Variants in DTNA observed in about 807,000 individuals in gnomAD.
The protein encoded by DTNA is dystrophin-related protein 3.
DTNA carries 43 observed loss-of-function variants against 100.7 expected under a neutral mutation model. That is an observed-to-expected ratio of 0.43 (90% CI 0.33 to 0.55). DTNA has a LOEUF of 0.55. Ranked by LOEUF, DTNA falls within the 20% of genes least tolerant of loss-of-function variation. The pLI is 0.04. For missense variants in DTNA, 798 were observed against 953.9 expected (o/e 0.84, Z 2.15); for synonymous variants, 349 against 347.9 (o/e 1.00, Z -0.04).
At chr18:34,712,859 TTTTAACATGTTA>T (rs2083182045) in intron 1 of DTNA, among the ~76,000 whole-genome samples, 1 of 152,122 alleles carries the variant, frequency 6.6e-6, no homozygotes, top group African/African-American at 2.4e-5. Flanking sequence ...TTTAACAGTT[TTTTAACATGTTA>T]AAAAACAACC....
intron 1 of DTNA, among the ~76,000 whole-genome samples, chr18:34,515,597 C>T (rs1568570592): frequency 6.6e-6 from 1 of 152,066 alleles, no homozygotes; most frequent in Non-Finnish European, 1.5e-5. Context: ...CTGTTGTTCT[C>T]TACTACTTGT....
chr18:34,515,063 C>A (rs1341279831), intron 1 of DTNA, among the ~76,000 whole-genome samples: 1 of 151,938 alleles, frequency 6.6e-6, no homozygotes, highest in Non-Finnish European at 1.5e-5. Flanking sequence ...AGGGTAGACT[C>A]CCCTTGCTTG....
Position 34,875,348 on chromosome 18 carries a change from A to G in DTNA, c.1853A>G (p.Gln618Arg), listed in dbSNP as rs2096804507. The change falls in exon 18 of 23, where the codon CAG becomes CGG. Residue 618 changes from glutamine (Q) to arginine (R), a missense_variant. Gln to Arg is a conservative substitution (Grantham distance 43, BLOSUM62 1). Transcript: ENST00000444659. Reference protein sequence around the residue: ...SACSTPTHTPQDSLTGVGGDV... With the variant: ...SACSTPTHTPRDSLTGVGGDV... ...TGCTCCACCCCGACGCACACGCCGC[A>G]GGACTCCCTCACAGGAGTAGGGGGA... The G allele has an allele frequency of 3.7e-6, 6 of 1,614,230 alleles. No individual in the cohort carries two copies. Among genetic ancestry groups the G allele is most frequent in the Non-Finnish European group, 4.2e-6 (5 of 1,180,044 alleles).
intron 11 of DTNA, 67 bp from the exon 12 acceptor site, chr18:34,838,027 C>A: frequency 7.0e-7 from 1 of 1,421,142 alleles, no homozygotes; most frequent in Non-Finnish European, 9.9e-7. Flanking sequence ...GTGTCTGTTG[C>A]CAGTTTCTAT....
rs763416097 is a variant in DTNA at position 34,766,057 on chromosome 18, G to A, written c.148+16G>A. ...AAATGCAATTGTAAGTATGCCAGTT[G>A]TTTGGACTAATTACCATCATGAATC... On this transcript the variant is annotated intron_variant, in intron 3 of 22. Transcript: ENST00000444659. 49 of 1,612,534 alleles carry A rather than the reference G, an allele frequency of 3.0e-5. No homozygotes were observed. Among genetic ancestry groups the A allele is most frequent in the Non-Finnish European group, 8.5e-7 (1 of 1,178,924 alleles).
At chr18:34,826,116 G>A (rs2149520459) in intron 9 of DTNA, among the ~76,000 whole-genome samples, 1 of 152,282 alleles carries the variant, frequency 6.6e-6, no homozygotes, top group South Asian at 2.1e-4. Context: ...GAGTAGATAA[G>A]TAGCTGTTGT....
At chr18:34,493,850 G>T (rs976326800) in intron 1 of DTNA, 11 of 148,214 alleles carry the variant, frequency 7.4e-5, no homozygotes. Context: ...CCACTCACGG[G>T]GTTCCCACCT....
At chr18:34,694,129 GA>G (rs148951850) in intron 1 of DTNA, among the ~76,000 whole-genome samples, 9,248 of 150,398 alleles carry the variant, frequency 0.061, 913 homozygotes, top group African/African-American at 0.21. Context: ...CAGTATTTTA[GA>G]AAAAAAAATG....
chr18:34,791,192 A>G (rs2094724166), intron 3 of DTNA, among the ~76,000 whole-genome samples: 1 of 152,216 alleles, frequency 6.6e-6, no homozygotes, highest in Non-Finnish European at 1.5e-5. Context: ...TGGCTCGTCA[A>G]GAGAAATTTA....
At chr18:34,730,027 G>A (rs1057392925) in intron 1 of DTNA, among the ~76,000 whole-genome samples, 2 of 151,990 alleles carry the variant, frequency 1.3e-5, no homozygotes, top group African/African-American at 4.8e-5. Context: ...CAGTTCCAAG[G>A]AATAATTCCA....
At chr18:34,559,064 A>G (rs532551343) in intron 1 of DTNA, among the ~76,000 whole-genome samples, 3 of 152,338 alleles carry the variant, frequency 2.0e-5, no homozygotes, top group Non-Finnish European at 4.4e-5. Flanking sequence ...GGTGAGATTT[A>G]ACTCAAAACA....
chr18:34,835,113 T>A (rs1202038352), intron 11 of DTNA, among the ~76,000 whole-genome samples: 3 of 152,172 alleles, frequency 2.0e-5, no homozygotes, highest in African/African-American at 7.2e-5. Flanking sequence ...CCTCTGTACA[T>A]AGTCATATTT....
chr18:34,621,927 G>T (rs1396193516), intron 1 of DTNA, among the ~76,000 whole-genome samples: 2 of 152,000 alleles, frequency 1.3e-5, no homozygotes, highest in East Asian at 3.9e-4. Flanking sequence ...CATAGTATAC[G>T]ATTTATATTT....
chr18:34,756,100 G>A (rs2092750182), intron 2 of DTNA, 57 bp downstream of exon 2: 5 of 1,530,020 alleles, frequency 3.3e-6, no homozygotes, highest in African/African-American at 1.4e-5. Flanking sequence ...CTCATGGAAA[G>A]GCTAGAAATA....
At chr18:34,687,069 T>C (rs2079006966) in intron 1 of DTNA, among the ~76,000 whole-genome samples, 1 of 152,212 alleles carries the variant, frequency 6.6e-6, no homozygotes, top group African/African-American at 2.4e-5. Flanking sequence ...TCTATCTATT[T>C]TGTTAATCTT....
chr18:34,507,549 T>C (rs769535838), intron 1 of DTNA, among the ~76,000 whole-genome samples: 5 of 152,148 alleles, frequency 3.3e-5, no homozygotes, highest in Non-Finnish European at 7.4e-5. Flanking sequence ...ACCAATATGC[T>C]GAGGGATTAC....
chr18:34,581,619 TA>T (rs67745823), intron 1 of DTNA, among the ~76,000 whole-genome samples: 14,244 of 143,946 alleles, frequency 0.099, 1,080 homozygotes, highest in African/African-American at 0.21. Flanking sequence ...TGCCCCTAGT[TA>T]GTTTTTTTTT....
At chr18:34,504,627 CCTTTT>C (rs1277598057) in intron 1 of DTNA, among the ~76,000 whole-genome samples, 4 of 152,156 alleles carry the variant, frequency 2.6e-5, no homozygotes, top group Non-Finnish European at 5.9e-5. Context: ...GGTTGAGAGG[CCTTTT>C]CTTAAAGCAA....
intron 1 of DTNA, among the ~76,000 whole-genome samples, chr18:34,674,970 C>T (rs980315660): frequency 2.6e-5 from 4 of 152,048 alleles, no homozygotes; most frequent in Non-Finnish European, 4.4e-5. Context: ...AAGGAATTCA[C>T]GTGGTATATA....
Sources: gnomAD v4.1 joint callset for allele counts (sites outside exome capture counted in the v4.1 genomes callset) on GRCh38, gnomAD v4.1.1 for gene constraint, MANE v1.5 for transcripts, NCBI Gene and HGNC (gene_info 2026-07-23, HGNC 2026-07-21) for gene names.